The following AEBP2 variants were observed in gnomAD, a reference collection of about 807,000 sequenced individuals.
AEBP2 encodes the protein AE binding protein 2.
Under a neutral mutation model 50.8 loss-of-function variants are expected in AEBP2, and 10 were observed. The observed-to-expected ratio is 0.20, with a 90% CI of 0.12 to 0.33. The LOEUF (loss-of-function observed/expected upper bound fraction) is 0.33, where lower values mean the gene tolerates loss of function less well. Among genes scored for constraint, AEBP2 ranks in the 10% least tolerant of loss-of-function variants. AEBP2 has a pLI of 1.00. For missense variants in AEBP2, 570 were observed against 688.0 expected, an observed-to-expected ratio of 0.83 and a Z score of 1.92; for synonymous variants, 296 against 261.3, an observed-to-expected ratio of 1.13 and a Z score of -1.28.
At chr12:19,430,120 T>G (rs1340348226) in intron 1 of AEBP2, among the ~76,000 whole-genome samples, 1 of 152,168 alleles carries the variant, frequency 6.6e-6, no homozygotes, top group Non-Finnish European at 1.5e-5. Context: ...GTCTAACATT[T>G]AAGTCTTTAA....
chr12:19,413,208 A>G, intron 1 of AEBP2: 5 of 783,530 alleles, frequency 6.4e-6, no homozygotes, highest in South Asian at 5.4e-5. Flanking sequence ...GAAATGAGAA[A>G]CAGTATCTTA....
intron 5 of AEBP2, among the ~76,000 whole-genome samples, chr12:19,504,828 T>C (rs1442510445): frequency 1.3e-5 from 2 of 152,328 alleles, no homozygotes; most frequent in South Asian, 2.1e-4. Context: ...ATCAGTACAT[T>C]CCACTCAAGT....
chr12:19,452,308 T>TA (rs796394876), intron 1 of AEBP2, among the ~76,000 whole-genome samples: 1 of 151,502 alleles, frequency 6.6e-6, no homozygotes, highest in Non-Finnish European at 1.5e-5. Flanking sequence ...TGGCCATCTT[T>TA]AAAAAAATAC....
intron 1 of AEBP2, among the ~76,000 whole-genome samples, chr12:19,425,384 A>G (rs1170829258): frequency 2.0e-5 from 3 of 152,162 alleles, no homozygotes; most frequent in Non-Finnish European, 4.4e-5. Flanking sequence ...AAATAGCATG[A>G]TGAATATTAG....
At chr12:19,517,039 G>A (rs969716288) in intron 7 of AEBP2, among the ~76,000 whole-genome samples, 8 of 152,012 alleles carry the variant, frequency 5.3e-5, no homozygotes, top group African/African-American at 1.9e-4. Context: ...AATAAAAAAG[G>A]CCATCTTAAA....
chr12:19,414,297 T>C (rs921681462), intron 1 of AEBP2, among the ~76,000 whole-genome samples: 3 of 152,112 alleles, frequency 2.0e-5, no homozygotes, highest in African/African-American at 7.2e-5. Flanking sequence ...TCAGCCTCAT[T>C]TTACCCAGCT....
At chr12:19,517,927 A>G (rs1210132272) in intron 7 of AEBP2, among the ~76,000 whole-genome samples, 160 bp from the exon 8 acceptor site, 1 of 152,256 alleles carries the variant, frequency 6.6e-6, no homozygotes, top group Non-Finnish European at 1.5e-5. Context: ...TTATGTAACT[A>G]AGTATAGATC....
intron 3 of AEBP2, among the ~76,000 whole-genome samples, chr12:19,484,662 C>T (rs530018640): frequency 6.6e-5 from 10 of 152,124 alleles, no homozygotes; most frequent in South Asian, 2.1e-4. Context: ...TGTGAGCCAC[C>T]GCGCCTGGCC....
At chr12:19,479,197 CAAA>C (rs34073143) in intron 3 of AEBP2, among the ~76,000 whole-genome samples, 1 of 151,158 alleles carries the variant, frequency 6.6e-6, no homozygotes, top group African/African-American at 2.4e-5. Context: ...TGACGGGCCT[CAAA>C]AAAAAGTATA....
At chr12:19,489,011 A>G (rs1041689388) in intron 3 of AEBP2, among the ~76,000 whole-genome samples, 10 of 151,694 alleles carry the variant, frequency 6.6e-5, no homozygotes, top group Middle Eastern at 3.4e-3. Context: ...CTGGTCTCAA[A>G]CTCCTGACCT....
chr12:19,440,510 ATC>A, intron 1 of AEBP2, 140 bp downstream of exon 1: 6 of 1,394,088 alleles, frequency 4.3e-6, no homozygotes, highest in South Asian at 1.6e-5. Context: ...CAACTCGGAA[ATC>A]TCTCGCCGTC....
At chr12:19,427,767 A>T (rs967848268) in intron 1 of AEBP2, among the ~76,000 whole-genome samples, 4 of 152,172 alleles carry the variant, frequency 2.6e-5, no homozygotes, top group Admixed American at 6.6e-5. Context: ...AGGAAACAAT[A>T]GGCAAGGACA....
intron 1 of AEBP2, among the ~76,000 whole-genome samples, chr12:19,426,475 G>A (rs12231477): frequency 0.022 from 3,415 of 152,286 alleles, 48 homozygotes; most frequent in East Asian, 0.045. Context: ...TTAATTAACT[G>A]GGTGTAAGAC....
chr12:19,500,929 G>T (rs184177597), intron 5 of AEBP2, among the ~76,000 whole-genome samples: 1 of 152,278 alleles, frequency 6.6e-6, no homozygotes, highest in Non-Finnish European at 1.5e-5. Context: ...TTGTTTTTCA[G>T]TCATTTTTAA....
intron 6 of AEBP2, among the ~76,000 whole-genome samples, 158 bp downstream of exon 6, chr12:19,512,623 A>C (rs1189796282): frequency 2.0e-5 from 3 of 152,110 alleles, no homozygotes; most frequent in Non-Finnish European, 4.4e-5. Flanking sequence ...GAAAGGTCTT[A>C]CACTATCAGG....
chr12:19,448,840 C>T (rs1484096761), intron 1 of AEBP2, among the ~76,000 whole-genome samples: 1 of 151,982 alleles, frequency 6.6e-6, no homozygotes, highest in Non-Finnish European at 1.5e-5. Context: ...CTACCATGCC[C>T]AGCTGCTTTT....
intron 1 of AEBP2, among the ~76,000 whole-genome samples, chr12:19,409,282 G>A (rs2095738002): frequency 6.6e-6 from 1 of 151,796 alleles, no homozygotes; most frequent in Non-Finnish European, 1.5e-5. Flanking sequence ...ATTATATTAG[G>A]CATAACTATT....
intron 5 of AEBP2, among the ~76,000 whole-genome samples, chr12:19,502,931 G>A (rs1420131545): frequency 6.6e-6 from 1 of 152,132 alleles, no homozygotes; most frequent in African/African-American, 2.4e-5. Context: ...TAATAGGCGC[G>A]AGCCACCACG....
At chr12:19,488,290 A>ATTT (rs34804680) in intron 3 of AEBP2, among the ~76,000 whole-genome samples, 3 of 118,414 alleles carry the variant, frequency 2.5e-5, no homozygotes, top group African/African-American at 9.6e-5. Flanking sequence ...TAATTTTTGT[A>ATTT]TTTTTTTTTT....
Sources: allele counts gnomAD v4.1 joint callset (sites outside exome capture counted in the v4.1 genomes callset), GRCh38; gene constraint gnomAD v4.1.1; transcripts MANE v1.5; gene names NCBI Gene and HGNC (gene_info 2026-07-23, HGNC 2026-07-21).